AOAH: variants seen among roughly 807,000 people sequenced by gnomAD.
AOAH encodes acyloxyacyl hydrolase (neutrophil).
Under a neutral mutation model 92.2 loss-of-function variants are expected in AOAH, and 64 were observed. The ratio of observed to expected loss-of-function variants is 0.69; its 90% CI spans 0.57 to 0.86. The LOEUF (loss-of-function observed/expected upper bound fraction) is 0.86. Ranked by LOEUF, AOAH falls within the 40% of genes least tolerant of loss-of-function variation. The pLI, the probability that AOAH is intolerant of heterozygous loss-of-function variation, is 0.00. For synonymous variants in AOAH, 263 were observed against 254.5 expected, an observed-to-expected ratio of 1.03 and a Z score of -0.32; for missense variants, 656 against 694.6, an observed-to-expected ratio of 0.94 and a Z score of 0.62.
At chr7:36,677,417 T>C (rs1796321706) in intron 2 of AOAH, among the ~76,000 whole-genome samples, 1 of 152,188 alleles carries the variant, frequency 6.6e-6, no homozygotes, top group African/African-American at 2.4e-5. Flanking sequence ...TAATGTGCTA[T>C]AATAAAAGAG....
At chr7:36,709,139 T>C (rs1035609825) in intron 1 of AOAH, among the ~76,000 whole-genome samples, 1 of 152,186 alleles carries the variant, frequency 6.6e-6, no homozygotes, top group Non-Finnish European at 1.5e-5. Context: ...GCTAAACTTA[T>C]GGCTGATCAC....
At position 36,686,759 on chromosome 7, in the gene AOAH, C is replaced by T; in HGVS notation, c.163G>A (p.Ala55Thr). 6.3e-7 allele frequency: 1 copy of T among 1,580,002 alleles called. No individual in the cohort carries two copies. The highest frequency in any genetic ancestry group is 1.2e-5 in the South Asian group (1 of 86,102). Residue 55 changes from alanine (A) to threonine (T), a missense_variant, in exon 2 of 21, where the codon GCT (alanine) becomes ACT (threonine). By Grantham distance (58) the Ala-to-Thr change is moderately conservative. Coordinates refer to ENST00000617537, the MANE Select transcript of AOAH (RefSeq NM_001637.4). ...TGGACCGTCGAGTTGTGAACTTGAG[C>T]AAGCTGTTCTATTACAGACACCACC... ...VLVVSVIEQL[A>T]QVHNSTVQAS...
intron 19 of AOAH, among the ~76,000 whole-genome samples, chr7:36,523,910 G>A (rs1784247622): frequency 6.6e-6 from 1 of 152,156 alleles, no homozygotes; most frequent in East Asian, 1.9e-4. Flanking sequence ...CCACCACTGA[G>A]CCCTCTCAGT....
At chr7:36,515,426 CCACACACCACACACAAACACCA>C (rs1403911868) in intron 20 of AOAH, among the ~76,000 whole-genome samples, 1 of 122,726 alleles carries the variant, frequency 8.1e-6, no homozygotes, top group Non-Finnish European at 1.7e-5. Context: ...CACACACCCC[CCACACACCACACACAAACACCA>C]CACACACCAC....
At chr7:36,545,768 T>A (rs1221849160) in intron 15 of AOAH, among the ~76,000 whole-genome samples, 1 of 152,242 alleles carries the variant, frequency 6.6e-6, no homozygotes, top group East Asian at 1.9e-4. Flanking sequence ...GCTTGTATAA[T>A]TCTATGGAAT....
intron 1 of AOAH, chr7:36,690,217 CA>C: frequency 2.3e-6 from 1 of 441,720 alleles, no homozygotes; most frequent in Middle Eastern, 3.3e-4. Flanking sequence ...TAAAAAGAAG[CA>C]AAAAAAATTA....
intron 15 of AOAH, among the ~76,000 whole-genome samples, chr7:36,546,586 T>C (rs1182700283): frequency 6.6e-6 from 1 of 152,196 alleles, no homozygotes; most frequent in African/African-American, 2.4e-5. Flanking sequence ...AAAGGAAAAG[T>C]AGGACTGGGC....
intron 4 of AOAH, among the ~76,000 whole-genome samples, chr7:36,651,155 C>G (rs1021967995): frequency 1.3e-5 from 2 of 152,238 alleles, no homozygotes; most frequent in African/African-American, 4.8e-5. Flanking sequence ...TCCTTGCACC[C>G]TGTGTGACAG....
intron 11 of AOAH, chr7:36,597,973 C>T (rs570869830): frequency 1.7e-4 from 22 of 129,242 alleles, no homozygotes; most frequent in African/African-American, 6.2e-4. Context: ...CGGCAACCCT[C>T]ATTCTCGGTC....
At chr7:36,631,481 T>C (rs186461153) in intron 6 of AOAH, among the ~76,000 whole-genome samples, 7 of 152,162 alleles carry the variant, frequency 4.6e-5, no homozygotes, top group Non-Finnish European at 5.9e-5. Flanking sequence ...ATGTCTAGCA[T>C]AACCCCAGAC....
intron 11 of AOAH, among the ~76,000 whole-genome samples, chr7:36,601,574 A>G (rs1562609358): frequency 6.6e-6 from 1 of 152,254 alleles, no homozygotes; most frequent in Non-Finnish European, 1.5e-5. Context: ...ACCAATAAAA[A>G]TAGCTTAATA....
intron 11 of AOAH, among the ~76,000 whole-genome samples, chr7:36,608,916 G>T (rs957162979): frequency 2.2e-4 from 31 of 139,246 alleles, no homozygotes; most frequent in Non-Finnish European, 1.9e-4. Context: ...GGGGAGGGGG[G>T]GGGGTCTGGT....
Position 36,548,622 on chromosome 7 carries a change from C to G in AOAH, c.1123G>C (p.Val375Leu), listed in dbSNP as rs747140145. 6.2e-7 allele frequency: 1 copy of G among 1,613,648 alleles called. No homozygotes were observed. Among genetic ancestry groups the G allele is most frequent in the Middle Eastern group, 1.6e-4 (1 of 6,062 alleles). Residue 375 changes from valine to leucine, a missense_variant, in exon 15 of 21, where the codon GTC becomes CTC. Physicochemically the swap from Val to Leu is conservative, Grantham distance 32. Coordinates refer to ENST00000617537, the MANE Select transcript of AOAH (RefSeq NM_001637.4). ...TTCTCAATAACTCACCCACTGCAGA[C>G]ATCATTTCCAATCATGGCATATATA... The part of the protein sequence containing the change: ...IVIYAMIGND[V>L]CSGKSDPVPA...
intron 4 of AOAH, among the ~76,000 whole-genome samples, chr7:36,642,281 T>G (rs13234203): frequency 0.41 from 62,295 of 151,738 alleles, 13,817 homozygotes; most frequent in African/African-American, 0.57. Context: ...AATCCAGTAT[T>G]ATTAGTATCC....
intron 13 of AOAH, among the ~76,000 whole-genome samples, chr7:36,552,973 TTTA>T (rs1027486441): frequency 1.3e-5 from 2 of 152,076 alleles, no homozygotes; most frequent in African/African-American, 4.8e-5. Flanking sequence ...TTTTTCTTTT[TTTA>T]TTATTATTAT....
At chr7:36,662,042 C>T (rs1562670792) in intron 3 of AOAH, among the ~76,000 whole-genome samples, 1 of 152,178 alleles carries the variant, frequency 6.6e-6, no homozygotes, top group Non-Finnish European at 1.5e-5. Context: ...CTTGTGACCG[C>T]TACACCTCCA....
chr7:36,713,509 A>G (rs1584179437), intron 1 of AOAH, among the ~76,000 whole-genome samples: 1 of 152,202 alleles, frequency 6.6e-6, no homozygotes, highest in Admixed American at 6.5e-5. Flanking sequence ...CTCCACCCCA[A>G]ATCAACAGAA....
chr7:36,531,500 T>C (rs1784688150), intron 18 of AOAH, among the ~76,000 whole-genome samples: 1 of 152,002 alleles, frequency 6.6e-6, no homozygotes, highest in Non-Finnish European at 1.5e-5. Flanking sequence ...GTGCCCACCA[T>C]GACACCTGGC....
chr7:36,717,188 T>C (rs530658731), intron 1 of AOAH, among the ~76,000 whole-genome samples: 45 of 152,214 alleles, frequency 3.0e-4, no homozygotes, highest in African/African-American at 1.0e-3. Context: ...AGTTCCCCAC[T>C]GCGGGGTTAC....
Sources: gnomAD v4.1 joint callset for allele counts (sites outside exome capture counted in the v4.1 genomes callset) on GRCh38, gnomAD v4.1.1 for gene constraint, MANE v1.5 for transcripts, NCBI Gene and HGNC (gene_info 2026-07-23, HGNC 2026-07-21) for gene names.